LCLAT1: variants seen among roughly 807,000 people sequenced by gnomAD.
The protein encoded by LCLAT1 is lysocardiolipin acyltransferase 1, also known as 1-AGP acyltransferase 8.
In LCLAT1, 11 loss-of-function variants were observed where a neutral mutation model predicts 30.7. That is an observed-to-expected ratio of 0.36 (90% CI 0.23 to 0.59). The LOEUF is 0.59. Among genes scored for constraint, LCLAT1 ranks in the 20% least tolerant of loss-of-function variants. The pLI is 0.77. For synonymous variants in LCLAT1, 155 were observed against 151.3 expected (o/e 1.02, Z -0.18); for missense variants, 402 against 458.6 (o/e 0.88, Z 1.13).
intron 5 of LCLAT1, among the ~76,000 whole-genome samples, chr2:30,631,156 T>C (rs1228784082): frequency 6.6e-6 from 1 of 152,236 alleles, no homozygotes; most frequent in Non-Finnish European, 1.5e-5. Context: ...CCCAGCCATC[T>C]GAGCTAGGTC....
At chr2:30,552,953 G>T (rs548160004) in intron 3 of LCLAT1, among the ~76,000 whole-genome samples, 2 of 152,234 alleles carry the variant, frequency 1.3e-5, no homozygotes, top group Admixed American at 1.3e-4. Context: ...AAATAATGTC[G>T]AAGGAGCAGT....
chr2:30,632,536 C>G (rs80303156), intron 5 of LCLAT1, among the ~76,000 whole-genome samples: 3,286 of 152,300 alleles, frequency 0.022, 57 homozygotes, highest in Non-Finnish European at 0.034. Flanking sequence ...CAGACTTCAT[C>G]TCTCTCAAAG....
At chr2:30,471,037 C>G (rs573863281) in intron 1 of LCLAT1, among the ~76,000 whole-genome samples, 56 of 149,686 alleles carry the variant, frequency 3.7e-4, no homozygotes, top group African/African-American at 1.4e-3. Context: ...CTCAGCCTCC[C>G]GAGTAGCTGG....
intron 1 of LCLAT1, among the ~76,000 whole-genome samples, chr2:30,497,547 C>T (rs1229669085): frequency 6.6e-6 from 1 of 152,106 alleles, no homozygotes; most frequent in Non-Finnish European, 1.5e-5. Flanking sequence ...TTGTAATTTA[C>T]TCATTTGTAG....
chr2:30,635,578 T>C (rs1389054701), intron 5 of LCLAT1, among the ~76,000 whole-genome samples: 2 of 152,174 alleles, frequency 1.3e-5, no homozygotes, highest in African/African-American at 4.8e-5. Flanking sequence ...ACAAGCAATT[T>C]TAAAAAAACT....
At chr2:30,550,248 TTC>T (rs1284166283) in intron 3 of LCLAT1, among the ~76,000 whole-genome samples, 1 of 152,218 alleles carries the variant, frequency 6.6e-6, no homozygotes, top group Non-Finnish European at 1.5e-5. Flanking sequence ...TTCACCCAGC[TTC>T]TCTGATGTTA....
chr2:30,593,704 A>C (rs1304391457), intron 5 of LCLAT1, among the ~76,000 whole-genome samples: 1 of 152,188 alleles, frequency 6.6e-6, no homozygotes, highest in Admixed American at 6.5e-5. Context: ...TAGAAATATG[A>C]ACTGGAAAAT....
intron 5 of LCLAT1, among the ~76,000 whole-genome samples, chr2:30,582,216 C>A (rs11127279): frequency 0.12 from 18,521 of 150,654 alleles, 1,126 homozygotes; most frequent in South Asian, 0.22. Context: ...CCCCTGCCCC[C>A]CTCCCATGGC....
At position 30,529,160 on chromosome 2, in the gene LCLAT1, G is replaced by A. The variant is rs999340313; in HGVS notation, c.165+3405G>A. ...CCACTAAAAATAAATTAGGATAAAT[G>A]CACTTAAACTAATTATTGCTTCACA... On this transcript the variant is annotated intron_variant, in intron 2 of 5. Coordinates refer to ENST00000379509, the MANE Select transcript of LCLAT1 (RefSeq NM_001002257.3). Among the ~76,000 whole-genome samples the A allele has an allele frequency of 5.3e-5, 8 of 152,208 alleles. No individual in the cohort carries two copies. In the East Asian group the frequency reaches 1.4e-3, roughly 26 times the overall value.
intron 1 of LCLAT1, among the ~76,000 whole-genome samples, chr2:30,460,300 GATTA>G (rs1682049962): frequency 6.6e-6 from 1 of 152,108 alleles, no homozygotes; most frequent in Non-Finnish European, 1.5e-5. Flanking sequence ...GTCTCAATTT[GATTA>G]AAACTAAATT....
At chr2:30,611,255 T>C (rs751875365) in intron 5 of LCLAT1, among the ~76,000 whole-genome samples, 13 of 152,142 alleles carry the variant, frequency 8.5e-5, no homozygotes, top group Non-Finnish European at 1.3e-4. Context: ...ATGAATTAAT[T>C]CTATGAAACC....
chr2:30,603,628 G>A (rs1002193294), intron 5 of LCLAT1, among the ~76,000 whole-genome samples: 6 of 151,996 alleles, frequency 3.9e-5, no homozygotes, highest in Non-Finnish European at 5.9e-5. Context: ...TAACAAAAGA[G>A]TAAACTAAAA....
chr2:30,564,415 A>G (rs1281272466), intron 4 of LCLAT1, among the ~76,000 whole-genome samples: 1 of 152,178 alleles, frequency 6.6e-6, no homozygotes, highest in Non-Finnish European at 1.5e-5. Context: ...TAAAATGTAT[A>G]TGTAAAACTT....
At chr2:30,603,265 GAAT>G (rs1177609077) in intron 5 of LCLAT1, among the ~76,000 whole-genome samples, 1 of 151,928 alleles carries the variant, frequency 6.6e-6, no homozygotes, top group Non-Finnish European at 1.5e-5. Context: ...ATTATTCAAT[GAAT>G]AATTTTAGAA....
At chr2:30,504,752 A>G (rs1287703487) in intron 1 of LCLAT1, among the ~76,000 whole-genome samples, 1 of 152,158 alleles carries the variant, frequency 6.6e-6, no homozygotes, top group Non-Finnish European at 1.5e-5. Context: ...ACAAATGGAA[A>G]TGTTCTCTAT....
In LCLAT1 at chr2:30,618,464, T is replaced by C. The variant is rs916015223; in HGVS notation, c.629-21653T>C. On this transcript the variant is annotated intron_variant, in intron 5 of 5. Coordinates refer to ENST00000379509, the MANE Select transcript of LCLAT1 (RefSeq NM_001002257.3). ...TATAGTTTGCATTCTTGCACATATT[T>C]TATAAAATTTACAAGTGTTTCATAA... 1.1e-4 allele frequency among the ~76,000 whole-genome samples: 17 copies of C among 152,304 alleles called. No individual in the cohort carries two copies. The East Asian group carries it at 1.2e-3, about 10-fold the overall frequency.
chr2:30,555,136 C>T (rs144366542), intron 3 of LCLAT1, among the ~76,000 whole-genome samples: 9 of 152,100 alleles, frequency 5.9e-5, no homozygotes, highest in Non-Finnish European at 1.0e-4. Context: ...ATTAGGAAAA[C>T]TTAGTTATCT....
chr2:30,452,655 C>T (rs1681616185), intron 1 of LCLAT1, among the ~76,000 whole-genome samples: 1 of 152,022 alleles, frequency 6.6e-6, no homozygotes, highest in African/African-American at 2.4e-5. Context: ...TCTTTTTCAT[C>T]ATTATGAAAT....
chr2:30,619,216 A>G (rs1668132893), intron 5 of LCLAT1, among the ~76,000 whole-genome samples: 1 of 152,190 alleles, frequency 6.6e-6, no homozygotes, highest in Non-Finnish European at 1.5e-5. Flanking sequence ...TTTATATACT[A>G]CTTATAGACA....
Sources: gnomAD v4.1 joint callset for allele counts (sites outside exome capture counted in the v4.1 genomes callset) on GRCh38, gnomAD v4.1.1 for gene constraint, MANE v1.5 for transcripts, NCBI Gene and HGNC (gene_info 2026-07-23, HGNC 2026-07-21) for gene names.